Variants in DLGAP2 observed in about 807,000 individuals in gnomAD.
DLGAP2 encodes disks large-associated protein 2.
In DLGAP2, 26 loss-of-function variants were observed where a neutral mutation model predicts 100.3. The observed-to-expected ratio is 0.26, with a 90% CI of 0.19 to 0.36. The LOEUF (loss-of-function observed/expected upper bound fraction) is 0.36. Among genes scored for constraint, DLGAP2 ranks in the 10% least tolerant of loss-of-function variants. The pLI, the probability that DLGAP2 is intolerant of heterozygous loss-of-function variation, is 1.00. For synonymous variants in DLGAP2, 886 were observed against 630.1 expected (o/e 1.41, Z -6.08); for missense variants, 1,858 against 1,453.2 (o/e 1.28, Z -4.53).
intron 1 of DLGAP2, among the ~76,000 whole-genome samples, chr8:864,587 A>G (rs1797455021): frequency 2.0e-5 from 3 of 152,218 alleles, no homozygotes; most frequent in Non-Finnish European, 2.9e-5. Context: ...CTACTTCCAC[A>G]TGATACGATA....
rs117896956 is a variant in DLGAP2, at chr8:800,903, C to T, written c.18+63078C>T. Among the ~76,000 whole-genome samples, 509 of 152,128 alleles carry T rather than the reference C, an allele frequency of 3.3e-3. 12 individuals are homozygous for T. Among genetic ancestry groups the T allele is most frequent in the East Asian group, 8.0e-3 (41 of 5,154 alleles). On this transcript the variant is annotated intron_variant, in intron 1 of 14. Transcript: ENST00000637795. ...CCAGCAATCCCCGGCCGTGCTGTGT[C>T]CTCGCCCCCTCAAATGCTGCTCCTC...
intron 3 of DLGAP2, among the ~76,000 whole-genome samples, chr8:1,379,193 C>T (rs1393732767): frequency 6.6e-6 from 1 of 152,270 alleles, no homozygotes; most frequent in Non-Finnish European, 1.5e-5. Flanking sequence ...CACCCGCTGC[C>T]ATCAGCCCGA....
At chr8:750,156 G>C (rs982131397) in intron 1 of DLGAP2, among the ~76,000 whole-genome samples, 1 of 152,238 alleles carries the variant, frequency 6.6e-6, no homozygotes, top group African/African-American at 2.4e-5. Context: ...GGGCCGGTTA[G>C]GCCGGCTGCA....
chr8:742,810 A>T (rs1820519194), intron 1 of DLGAP2, among the ~76,000 whole-genome samples: 1 of 152,000 alleles, frequency 6.6e-6, no homozygotes, highest in Non-Finnish European at 1.5e-5. Flanking sequence ...TCCCAGCTGC[A>T]TTTGGCTCTT....
At chr8:1,359,385 C>G (rs1039230143) in intron 3 of DLGAP2, among the ~76,000 whole-genome samples, 1 of 152,262 alleles carries the variant, frequency 6.6e-6, no homozygotes, top group Non-Finnish European at 1.5e-5. Flanking sequence ...CTGTGCTGCC[C>G]TGGGCTTCAG....
At chr8:1,462,948 T>G (rs1265284627) in intron 3 of DLGAP2, among the ~76,000 whole-genome samples, 1 of 152,098 alleles carries the variant, frequency 6.6e-6, no homozygotes, top group Non-Finnish European at 1.5e-5. Context: ...AAGTTGGAAG[T>G]AAAATTAAAG....
In DLGAP2 at chr8:1,277,579, G is replaced by T. The variant is rs542558541; in HGVS notation, c.106+18696G>T. ...ATCCAAGTATTAGCCCAGCAGATGA[G>T]TATCCCAGTATCAGCCAGGTAGGTC... On this transcript the variant is annotated intron_variant, in intron 3 of 14. Coordinates refer to ENST00000637795, the MANE Select transcript of DLGAP2 (RefSeq NM_001346810.2). Among the ~76,000 whole-genome samples, 27 of 152,322 alleles carry T rather than the reference G, an allele frequency of 1.8e-4. No individual in the cohort carries two copies. In the South Asian group the frequency reaches 4.6e-3, roughly 26 times the overall value.
At chr8:1,283,002 A>G (rs1325548933) in intron 3 of DLGAP2, among the ~76,000 whole-genome samples, 1 of 121,272 alleles carries the variant, frequency 8.2e-6, no homozygotes, top group Non-Finnish European at 1.7e-5. Context: ...CCCCTGAACC[A>G]TACGGACATG....
intron 1 of DLGAP2, among the ~76,000 whole-genome samples, chr8:830,898 T>C (rs1796769583): frequency 6.9e-6 from 1 of 144,756 alleles, no homozygotes; most frequent in Admixed American, 6.9e-5. Flanking sequence ...CTGTGACTTT[T>C]TTTTTTTTTT....
At chr8:965,768 GC>G (rs1212170636) in intron 2 of DLGAP2, among the ~76,000 whole-genome samples, 14 of 110,584 alleles carry the variant, frequency 1.3e-4, no homozygotes, top group South Asian at 3.2e-4. Flanking sequence ...TGACCCCTGC[GC>G]TGCACACGGC....
At chr8:939,872 G>A (rs1005092173) in intron 2 of DLGAP2, among the ~76,000 whole-genome samples, 3 of 151,810 alleles carry the variant, frequency 2.0e-5, no homozygotes, top group Admixed American at 6.6e-5. Context: ...GCAGACACAG[G>A]GGCTGGGGTG....
intron 1 of DLGAP2, among the ~76,000 whole-genome samples, chr8:840,962 C>T (rs573707079): frequency 1.4e-4 from 21 of 152,342 alleles, no homozygotes; most frequent in Admixed American, 1.3e-3. Context: ...GACGCTGTGT[C>T]TAGCTCTCAC....
intron 2 of DLGAP2, among the ~76,000 whole-genome samples, chr8:1,241,886 A>T (rs1798804853): frequency 6.6e-6 from 1 of 152,232 alleles, no homozygotes; most frequent in Non-Finnish European, 1.5e-5. Flanking sequence ...TCACACTGTT[A>T]AAATGACTTT....
intron 2 of DLGAP2, among the ~76,000 whole-genome samples, chr8:1,221,539 A>C (rs1037279583): frequency 1.3e-5 from 2 of 151,758 alleles, no homozygotes; most frequent in African/African-American, 4.8e-5. Flanking sequence ...TTTTTTTTTC[A>C]TGCTGACTTT....
chr8:1,469,985 A>G (rs959301297), intron 3 of DLGAP2, among the ~76,000 whole-genome samples: 1 of 140,370 alleles, frequency 7.1e-6, no homozygotes, highest in African/African-American at 2.8e-5. Flanking sequence ...GGGAGACCTC[A>G]TCCCTAAAAA....
intron 1 of DLGAP2, among the ~76,000 whole-genome samples, chr8:849,766 A>G (rs147731216): frequency 6.1e-4 from 93 of 152,238 alleles, no homozygotes; most frequent in African/African-American, 2.2e-3. Flanking sequence ...TGTCTGTTCA[A>G]ATCTTTTTCT....
chr8:1,570,095 G>A (rs137902517), intron 6 of DLGAP2, among the ~76,000 whole-genome samples: 28 of 152,366 alleles, frequency 1.8e-4, no homozygotes, highest in African/African-American at 6.7e-4. Flanking sequence ...ACGCTGAGCT[G>A]TAGTGAGTGT....
rs1273558853 is a variant in DLGAP2 at position 917,218 on chromosome 8, C to T, written c.73+9252C>T. On this transcript the variant is annotated intron_variant, in intron 2 of 14. Coordinates refer to ENST00000637795, the MANE Select transcript of DLGAP2 (RefSeq NM_001346810.2). Reference sequence around the variant, plus strand: ...GTATTGTTCCCTCCCTCCCTCCATCCCTCCCTCCCTCCCTTCCTTCCTTCC... The same window carrying T: ...GTATTGTTCCCTCCCTCCCTCCATCTCTCCCTCCCTCCCTTCCTTCCTTCC... Among the ~76,000 whole-genome samples the T allele has an allele frequency of 1.1e-3, 154 of 144,458 alleles. 4 individuals carry two copies. Among genetic ancestry groups the T allele is most frequent in the Non-Finnish European group, 2.5e-4 (16 of 65,250 alleles). 94.8% of individuals were successfully genotyped at this position (144,458 alleles called of 152,430 possible).
chr8:1,298,983 A>G (rs1800262951), intron 3 of DLGAP2, among the ~76,000 whole-genome samples: 2 of 152,260 alleles, frequency 1.3e-5, no homozygotes, highest in South Asian at 4.2e-4. Context: ...CTCGTGCTGA[A>G]TGACCCAAAG....
Sources: gnomAD v4.1 joint callset for allele counts (sites outside exome capture counted in the v4.1 genomes callset) on GRCh38, gnomAD v4.1.1 for gene constraint, MANE v1.5 for transcripts, NCBI Gene and HGNC (gene_info 2026-07-23, HGNC 2026-07-21) for gene names.